The following TRAF3IP2 variants were observed in gnomAD, a reference collection of about 807,000 sequenced individuals.
TRAF3IP2 encodes E3 ubiquitin ligase TRAF3IP2.
In TRAF3IP2, 35 loss-of-function variants were observed where a neutral mutation model predicts 57.9. That is an observed-to-expected ratio of 0.60 (90% CI 0.46 to 0.80). The LOEUF (loss-of-function observed/expected upper bound fraction) is 0.80. Ranked by LOEUF, TRAF3IP2 falls within the 30% of genes least tolerant of loss-of-function variation. The pLI is 0.00. For synonymous variants in TRAF3IP2, 251 were observed against 268.9 expected (o/e 0.93, Z 0.65); for missense variants, 556 against 706.4 (o/e 0.79, Z 2.41).
At chr6:111,589,069 A>ATTT (rs1796423988) in intron 2 of TRAF3IP2, among the ~76,000 whole-genome samples, 1 of 113,106 alleles carries the variant, frequency 8.8e-6, no homozygotes, top group African/African-American at 3.2e-5. Context: ...CAGAAAAATT[A>ATTT]TCTTTTTTTT....
chr6:111,604,108 C>T (rs553000840), intron 1 of TRAF3IP2, among the ~76,000 whole-genome samples: 116 of 152,158 alleles, frequency 7.6e-4, no homozygotes, highest in African/African-American at 2.7e-3. Flanking sequence ...AAACATGACA[C>T]GGACTACACC....
intron 6 of TRAF3IP2, chr6:111,566,934 A>G: frequency 2.9e-6 from 1 of 346,996 alleles, no homozygotes; most frequent in South Asian, 2.4e-5. Flanking sequence ...CTGAGCTGCC[A>G]GTCACTGCAC....
In TRAF3IP2 at chr6:111,601,585, C is replaced by T. The variant is rs368012361; in HGVS notation, c.-9+4191G>A. The stretch of plus-strand genomic sequence containing the variant: ...TGAGCAGCCTGAGTAATTAATAAAC[C>T]ATATTAACAGCTCCTCCATAATCAG... On this transcript the variant is annotated intron_variant, in intron 1 of 8. Transcript: ENST00000368761. 53 of 177,896 alleles carry T rather than the reference C, an allele frequency of 3.0e-4. 1 individual carries two copies. The highest frequency in any genetic ancestry group is 1.2e-3 in the African/African-American group (51 of 42,534). The allele number at this position is 177,896 out of a possible 1,614,324, so 11.0% of individuals were successfully genotyped here. A position where few individuals can be genotyped will look rare whatever the true frequency, so the allele number is the denominator to read the frequency against.
At chr6:111,568,599 C>A (rs1047649592) in intron 5 of TRAF3IP2, among the ~76,000 whole-genome samples, 1 of 151,996 alleles carries the variant, frequency 6.6e-6, no homozygotes, top group South Asian at 2.1e-4. Context: ...GATTCAGCTG[C>A]ACTGCTCCCA....
intron 7 of TRAF3IP2, among the ~76,000 whole-genome samples, chr6:111,564,314 C>T (rs1795551935): frequency 6.6e-6 from 1 of 152,122 alleles, no homozygotes; most frequent in South Asian, 2.1e-4. Context: ...CCCACCACAC[C>T]AGCACCGAGT....
At chr6:111,605,456 T>G (rs954846784) in intron 1 of TRAF3IP2, among the ~76,000 whole-genome samples, 1 of 152,252 alleles carries the variant, frequency 6.6e-6, no homozygotes, top group African/African-American at 2.4e-5. Flanking sequence ...GAGAAACTTG[T>G]GGGGACACTA....
rs531314066 is a variant in TRAF3IP2 at position 111,580,266 on chromosome 6, G to A, written c.953C>T (p.Pro318Leu). Residue 318 changes from proline (P) to leucine (L), a missense_variant, in exon 3 of 9, where the codon CCC (proline) becomes CTC (leucine). By Grantham distance (98) the Pro-to-Leu change is moderately conservative (BLOSUM62 -3). This residue lies in a region of TRAF3IP2 where 428 missense variants were observed against 498.7 expected (regional missense o/e 0.86). Coordinates refer to ENST00000368761, the MANE Select transcript of TRAF3IP2 (RefSeq NM_147686.4). ...CCTCTCTTCGTGGTCCCAGGGGCTG[G>A]GATAATTCAGGATAACCTTCTGCAC... ...HPVQKVILNY[P>L]SPWDHEERPA... is the part of the protein sequence containing the mutation. 6.2e-7 allele frequency: 1 copy of A among 1,613,066 alleles called. No homozygotes were observed. The highest frequency in any genetic ancestry group is 8.5e-7 in the Non-Finnish European group (1 of 1,179,094).
chr6:111,572,809 C>G (rs1388056598), intron 5 of TRAF3IP2, 86 bp downstream of exon 5: 15 of 975,398 alleles, frequency 1.5e-5, no homozygotes, highest in Non-Finnish European at 2.4e-5. Context: ...AAAACACCAA[C>G]AGCTATTACA....
rs749977142 is a variant in TRAF3IP2 at position 111,591,294 on chromosome 6, A to G, written c.793T>C (p.Tyr265His). 2.0e-6 allele frequency: 3 copies of G among 1,505,968 alleles called. No individual in the cohort carries two copies. The allele number at this position is 1,505,968 out of a possible 1,614,324, so 93.3% of individuals were successfully genotyped here. A position where few individuals can be genotyped will look rare whatever the true frequency, so the allele number is the denominator to read the frequency against. The change falls in exon 2 of 9, where the codon TAC (tyrosine) becomes CAC (histidine). Residue 265 changes from tyrosine (Y) to histidine (H), a missense_variant. Physicochemically the swap from Tyr to His is moderately conservative, Grantham distance 83. Coordinates refer to ENST00000368761, the MANE Select transcript of TRAF3IP2 (RefSeq NM_147686.4). The surrounding 1 kb of genome is among the most constrained non-coding windows in gnomAD (Gnocchi z 4.9). ...TGATCGGGACTTCCAGGACAATGGT[A>G]ATGATAGTTCCATGGAGCATGTGGG... ...LSPHAPWNYH[Y>H]HCPGSPDHQV...
chr6:111,559,028 T>G lies in TRAF3IP2; in HGVS notation c.*377A>C, dbSNP rs1245318190. 1 of 176,894 alleles carries G rather than the reference T, an allele frequency of 5.7e-6. No homozygotes were observed. The highest frequency in any genetic ancestry group is 1.2e-5 in the Non-Finnish European group (1 of 84,044). The allele number at this position is 176,894 out of a possible 1,614,324, so 11.0% of individuals were successfully genotyped here. ...ATCTGGCTAACTCATAAAAGTAGCCTGAAGTGATTGATAGGAGAGTGTTTG... is the reference window on the plus strand; with the variant it reads ...ATCTGGCTAACTCATAAAAGTAGCCGGAAGTGATTGATAGGAGAGTGTTTG... On this transcript the variant is annotated 3_prime_UTR_variant, in exon 9 of 9. Transcript: ENST00000368761.
intron 1 of TRAF3IP2, chr6:111,600,982 A>C: frequency 4.4e-6 from 2 of 453,332 alleles, no homozygotes; most frequent in South Asian, 8.8e-5. Flanking sequence ...CAAGGCATAG[A>C]GAAGGTAAGT....
At chr6:111,605,323 T>TC (rs907045728) in intron 1 of TRAF3IP2, among the ~76,000 whole-genome samples, 1 of 152,064 alleles carries the variant, frequency 6.6e-6, no homozygotes, top group Non-Finnish European at 1.5e-5. Context: ...TTGATTTTTT[T>TC]CCCCCCTGCA....
intron 2 of TRAF3IP2, among the ~76,000 whole-genome samples, chr6:111,586,262 A>G (rs1358242276): frequency 6.6e-6 from 1 of 151,928 alleles, no homozygotes; most frequent in Non-Finnish European, 1.5e-5. Flanking sequence ...CACAGGTACA[A>G]TTGTACACAT....
In TRAF3IP2 at chr6:111,562,407, C is replaced by T. The variant is rs1405639964; in HGVS notation, c.1551+558G>A. Among the ~76,000 whole-genome samples, 4 of 152,256 alleles carry T rather than the reference C, an allele frequency of 2.6e-5. No individual in the cohort carries two copies. In the South Asian group the frequency reaches 8.3e-4, roughly 32 times the overall value. Reference sequence around the variant, plus strand: ...CTTTCTTGAGTTAAAACAGAAACTACATCTTTGTGTGCAACGGTTCTTTGA... The same window carrying T: ...CTTTCTTGAGTTAAAACAGAAACTATATCTTTGTGTGCAACGGTTCTTTGA... On this transcript the variant is annotated intron_variant, in intron 8 of 8. Coordinates refer to ENST00000368761, the MANE Select transcript of TRAF3IP2 (RefSeq NM_147686.4).
chr6:111,595,658 C>T (rs1038878486), intron 1 of TRAF3IP2, among the ~76,000 whole-genome samples: 10 of 151,892 alleles, frequency 6.6e-5, no homozygotes, highest in East Asian at 3.9e-4. Context: ...TGAAACCCCG[C>T]CTCTACTAAA....
chr6:111,566,324 G>A (rs1276641836), intron 7 of TRAF3IP2, 120 bp downstream of exon 7: 1 of 804,754 alleles, frequency 1.2e-6, no homozygotes, highest in Non-Finnish European at 2.1e-6. Context: ...TGGCAAGCCT[G>A]GAGCTCTTCA....
intron 6 of TRAF3IP2, among the ~76,000 whole-genome samples, 182 bp from the exon 7 acceptor site, chr6:111,566,742 C>T: frequency 6.6e-6 from 1 of 152,308 alleles, no homozygotes; most frequent in South Asian, 2.1e-4. Context: ...CCACCTTGAA[C>T]ATGCAGAGCA....
At position 111,568,432 on chromosome 6, in the gene TRAF3IP2, AGTGTGTGTGTGTGTGTGTGT is replaced by A. The variant is rs58088162; in HGVS notation, c.1291-760_1291-741del. On this transcript the variant is annotated intron_variant, in intron 5 of 8. Coordinates refer to ENST00000368761, the MANE Select transcript of TRAF3IP2 (RefSeq NM_147686.4). ...TCTTGGGCTCAGGCTTATACTGCAG[AGTGTGTGTGTGTGTGTGTGT>A]GTGTGTGTGTGTGTGTGTGTGTGTG... 1.6e-4 allele frequency among the ~76,000 whole-genome samples: 24 copies of A among 146,720 alleles called. 1 individual carries two copies. The highest frequency in any genetic ancestry group is 4.1e-4 in the Admixed American group (6 of 14,636).
intron 7 of TRAF3IP2, among the ~76,000 whole-genome samples, chr6:111,563,973 C>T (rs1795537510): frequency 6.6e-6 from 1 of 152,204 alleles, no homozygotes; most frequent in African/African-American, 2.4e-5. Flanking sequence ...AGCTTTCAGT[C>T]ATCTGATGAG....
Sources: allele counts gnomAD v4.1 joint callset (sites outside exome capture counted in the v4.1 genomes callset), GRCh38; gene constraint gnomAD v4.1.1; regional missense constraint gnomAD v4.1.1; non-coding constraint Gnocchi (gnomAD v3.1); transcripts MANE v1.5; gene names NCBI Gene and HGNC (gene_info 2026-07-23, HGNC 2026-07-21).